The following NRF1 variants were observed in gnomAD, a reference collection of about 807,000 sequenced individuals.
The protein encoded by NRF1 is nuclear respiratory factor 1, also known as alpha palindromic-binding protein.
Under a neutral mutation model 58.5 loss-of-function variants are expected in NRF1, and 5 were observed. The ratio of observed to expected loss-of-function variants is 0.09; its 90% CI spans 0.04 to 0.18. The LOEUF is 0.18. NRF1 is among the 10% of genes least tolerant of loss of function. The probability of loss-of-function intolerance (pLI) is 1.00; values close to 1 mark genes in which losing one functional copy is unlikely to be tolerated. For synonymous variants in NRF1, 224 were observed against 246.7 expected, an observed-to-expected ratio of 0.91 and a Z score of 0.86; for missense variants, 288 against 657.7, an observed-to-expected ratio of 0.44 and a Z score of 6.15.
chr7:129,674,882 C>G (rs1474991923), intron 3 of NRF1, among the ~76,000 whole-genome samples: 2 of 152,152 alleles, frequency 1.3e-5, no homozygotes, highest in African/African-American at 2.4e-5. Flanking sequence ...GTGGCTGCGG[C>G]AATTTCTTAA....
At chr7:129,640,764 GT>G (rs2151067278) in intron 1 of NRF1, among the ~76,000 whole-genome samples, 1 of 152,270 alleles carries the variant, frequency 6.6e-6, no homozygotes, top group East Asian at 1.9e-4. Context: ...AATTAGAGAT[GT>G]GACTTTGGGT....
chr7:129,648,144 A>C (rs1801452040), intron 1 of NRF1, among the ~76,000 whole-genome samples: 1 of 152,186 alleles, frequency 6.6e-6, no homozygotes, highest in Non-Finnish European at 1.5e-5. Flanking sequence ...CACTTTTCAG[A>C]GACAATTAGC....
In NRF1 at chr7:129,727,313, T is replaced by C; in HGVS notation, c.1296T>C (p.Ser432=). Residue 432 remains serine (S), a synonymous_variant, in exon 10 of 11, where the codon TCT becomes TCC. Coordinates refer to ENST00000393232, the MANE Select transcript of NRF1 (RefSeq NM_005011.5). ...TLQGGGQIVL[S]GETAAAVGAL... is the part of the protein sequence containing the mutation. ...AAGGTGGGGGACAGATCGTCTTGTC[T>C]GGGGAAACCGCAGCAGCCGTCGGAG... 1 of 1,610,354 alleles carries C rather than the reference T, an allele frequency of 6.2e-7. No homozygotes were observed.
At chr7:129,651,303 C>T (rs1318371131) in intron 1 of NRF1, among the ~76,000 whole-genome samples, 1 of 151,880 alleles carries the variant, frequency 6.6e-6, no homozygotes, top group African/African-American at 2.4e-5. Flanking sequence ...ACTTGTAATC[C>T]TAGCTACTTG....
At chr7:129,694,400 T>G (rs1802638792) in intron 5 of NRF1, among the ~76,000 whole-genome samples, 1 of 152,220 alleles carries the variant, frequency 6.6e-6, no homozygotes. Flanking sequence ...AGTCTCACTC[T>G]GTTGCCCAGG....
At chr7:129,627,706 C>T (rs1164427575) in intron 1 of NRF1, among the ~76,000 whole-genome samples, 1 of 152,104 alleles carries the variant, frequency 6.6e-6, no homozygotes, top group Non-Finnish European at 1.5e-5. Flanking sequence ...TATAGGCTGA[C>T]TCAGTTTCTA....
At chr7:129,745,506 A>ACCCCCCC (rs35406699) in intron 10 of NRF1, among the ~76,000 whole-genome samples, 32 of 112,564 alleles carry the variant, frequency 2.8e-4, no homozygotes, top group South Asian at 6.1e-4. Flanking sequence ...ATCCCCCTCA[A>ACCCCCCC]CCCCCCCCCC....
intron 10 of NRF1, among the ~76,000 whole-genome samples, chr7:129,736,991 G>A (rs1037989743): frequency 3.3e-5 from 5 of 152,214 alleles, no homozygotes; most frequent in Admixed American, 3.3e-4. Context: ...AGGAAGTTGT[G>A]AGCATTAAAC....
intron 1 of NRF1, chr7:129,641,694 T>A (rs930563623): frequency 6.6e-6 from 1 of 152,230 alleles, no homozygotes; most frequent in Non-Finnish European, 1.5e-5. Context: ...TTATTTATTT[T>A]TTTGAAATGG....
At chr7:129,694,941 T>G (rs2151095065) in intron 5 of NRF1, among the ~76,000 whole-genome samples, 1 of 152,266 alleles carries the variant, frequency 6.6e-6, no homozygotes, top group Non-Finnish European at 1.5e-5. Context: ...GGGAACAATG[T>G]GATTGGTTAA....
At chr7:129,688,460 T>C (rs1202643482) in intron 4 of NRF1, among the ~76,000 whole-genome samples, 1 of 152,162 alleles carries the variant, frequency 6.6e-6, no homozygotes, top group Admixed American at 6.5e-5. Flanking sequence ...TCCTATTGGC[T>C]TATACCTAAT....
chr7:129,721,707 T>C (rs1391982877), intron 9 of NRF1, among the ~76,000 whole-genome samples: 5 of 152,090 alleles, frequency 3.3e-5, no homozygotes, highest in Non-Finnish European at 7.4e-5. Context: ...GGTCTCGATC[T>C]CCTGACCTCG....
At chr7:129,730,625 C>T (rs759613281) in intron 10 of NRF1, among the ~76,000 whole-genome samples, 37 of 152,028 alleles carry the variant, frequency 2.4e-4, no homozygotes, top group Non-Finnish European at 4.1e-4. Flanking sequence ...GGAAGTGGCG[C>T]GGGCGGGTGA....
intron 1 of NRF1, among the ~76,000 whole-genome samples, chr7:129,623,850 G>T (rs1335243883): frequency 1.3e-5 from 2 of 152,140 alleles, no homozygotes; most frequent in Non-Finnish European, 2.9e-5. Context: ...TCCAAAAGAA[G>T]AACTTTTAGA....
chr7:129,668,199 C>G (rs1253499321), intron 2 of NRF1, among the ~76,000 whole-genome samples: 1 of 151,816 alleles, frequency 6.6e-6, no homozygotes, highest in African/African-American at 2.4e-5. Flanking sequence ...TTTTTTTTAT[C>G]TTTCTGACAC....
chr7:129,620,211 G>A (rs745735928), intron 1 of NRF1, among the ~76,000 whole-genome samples: 2 of 152,160 alleles, frequency 1.3e-5, no homozygotes, highest in Non-Finnish European at 2.9e-5. Context: ...TTAGAAATGG[G>A]AGTAGGAGCA....
intron 1 of NRF1, among the ~76,000 whole-genome samples, chr7:129,646,765 A>G (rs2151070464): frequency 6.6e-6 from 1 of 152,334 alleles, no homozygotes; most frequent in South Asian, 2.1e-4. Flanking sequence ...TCTGGAAAAC[A>G]TGGTTGGCAG....
chr7:129,720,595 C>G (rs904207684), intron 9 of NRF1, among the ~76,000 whole-genome samples: 2 of 152,174 alleles, frequency 1.3e-5, no homozygotes, highest in African/African-American at 2.4e-5. Flanking sequence ...GCAATGTAAA[C>G]AGCAGATGTG....
chr7:129,710,899 T>A lies in NRF1; in HGVS notation c.963+328T>A, dbSNP rs995763626. Among the ~76,000 whole-genome samples, 3 of 151,318 alleles carry A rather than the reference T, an allele frequency of 2.0e-5. No individual in the cohort carries two copies. In the East Asian group the frequency reaches 5.8e-4, roughly 29 times the overall value. On this transcript the variant is annotated intron_variant, in intron 7 of 10. Coordinates refer to ENST00000393232, the MANE Select transcript of NRF1 (RefSeq NM_005011.5). ...CTCAAGTGATTCTCCCTCCTCAGCCTCCCGAGTAGCTGGGACTACAGGTGT... is the reference window on the plus strand; with the variant it reads ...CTCAAGTGATTCTCCCTCCTCAGCCACCCGAGTAGCTGGGACTACAGGTGT...
Sources: allele counts gnomAD v4.1 joint callset (sites outside exome capture counted in the v4.1 genomes callset), GRCh38; gene constraint gnomAD v4.1.1; transcripts MANE v1.5; gene names NCBI Gene and HGNC (gene_info 2026-07-23, HGNC 2026-07-21).